The following ZNF469 variants were observed in gnomAD, a reference collection of about 807,000 sequenced individuals.
ZNF469 encodes the protein zinc finger protein 469.
Under a neutral mutation model 1.0 loss-of-function variants are expected in ZNF469, and 1 was observed. That is an observed-to-expected ratio of 1.00 (90% CI 0.35 to 4.73). ZNF469 has a LOEUF of 4.73. Ranked by LOEUF, ZNF469 falls within the 30% of genes most tolerant of loss-of-function variation. The pLI is 0.16. For missense variants in ZNF469, 6,100 were observed against 5,356.3 expected, an observed-to-expected ratio of 1.14 and a Z score of -4.33; for synonymous variants, 2,703 against 2,363.4, an observed-to-expected ratio of 1.14 and a Z score of -4.17.
At chr16:88,288,503 G>C in the ZNF469 span, among the ~76,000 whole-genome samples, 2 of 152,094 alleles carry the variant, frequency 1.3e-5, no homozygotes, top group Non-Finnish European at 2.9e-5. Flanking sequence ...GATATTTATT[G>C]CATCACTCTC....
At chr16:88,412,731 C>G (rs1905205511) in intron 1 of ZNF469, among the ~76,000 whole-genome samples, 1 of 152,188 alleles carries the variant, frequency 6.6e-6, no homozygotes, top group African/African-American at 2.4e-5. Context: ...AGGGCGGGGA[C>G]AGCTTGGAAA....
the ZNF469 span, among the ~76,000 whole-genome samples, chr16:88,287,125 T>C: frequency 6.6e-6 from 1 of 152,246 alleles, no homozygotes; most frequent in Non-Finnish European, 1.5e-5. Flanking sequence ...TGCTGTTCTG[T>C]GACTTGCTTT....
the ZNF469 span, among the ~76,000 whole-genome samples, chr16:88,183,405 C>T: frequency 6.6e-6 from 1 of 152,354 alleles, no homozygotes; most frequent in South Asian, 2.1e-4. Context: ...CAGGTGAACC[C>T]GTGAGCAACT....
At chr16:88,399,988 C>T (rs1229837788) in intron 1 of ZNF469, among the ~76,000 whole-genome samples, 1 of 152,252 alleles carries the variant, frequency 6.6e-6, no homozygotes, top group Non-Finnish European at 1.5e-5. Flanking sequence ...GGCCTGGACT[C>T]CTCATTGGGA....
chr16:88,297,844 A>G, the ZNF469 span, among the ~76,000 whole-genome samples: 50 of 152,246 alleles, frequency 3.3e-4, no homozygotes, highest in African/African-American at 1.2e-3. Flanking sequence ...AAGGATTAGG[A>G]CCTGACCTCT....
chr16:88,213,610 C>T, the ZNF469 span, among the ~76,000 whole-genome samples: 1 of 152,230 alleles, frequency 6.6e-6, no homozygotes, highest in Non-Finnish European at 1.5e-5. Context: ...TTTCTCTCCT[C>T]ATCCTACTCA....
chr16:88,414,536 C>T (rs936141222), intron 1 of ZNF469, among the ~76,000 whole-genome samples: 4 of 152,252 alleles, frequency 2.6e-5, no homozygotes, highest in Non-Finnish European at 4.4e-5. Context: ...CCCCCAGGCC[C>T]GGCAGAGCTG....
chr16:88,200,328 C>G, the ZNF469 span, among the ~76,000 whole-genome samples: 1 of 152,232 alleles, frequency 6.6e-6, no homozygotes, highest in African/African-American at 2.4e-5. Flanking sequence ...TGTCTGGGCA[C>G]TGCCTGGGTT....
the ZNF469 span, among the ~76,000 whole-genome samples, chr16:88,279,830 ACGGTTAG>A: frequency 7.0e-6 from 1 of 143,612 alleles, no homozygotes; most frequent in South Asian, 2.3e-4. Context: ...ATATCAGTGC[ACGGTTAG>A]TGCTGTGCCA....
chr16:88,400,011 C>A (rs1904809458), intron 1 of ZNF469, among the ~76,000 whole-genome samples: 1 of 152,222 alleles, frequency 6.6e-6, no homozygotes, highest in African/African-American at 2.4e-5. Flanking sequence ...ATGGAAGCCA[C>A]CATCATGCCT....
the ZNF469 span, among the ~76,000 whole-genome samples, chr16:88,182,474 G>C: frequency 5.9e-5 from 9 of 151,856 alleles, no homozygotes; most frequent in African/African-American, 2.2e-4. Flanking sequence ...ATTCACACTT[G>C]ATTTTTGCAA....
At position 88,383,015 on chromosome 16, in the gene ZNF469, AGCTG is replaced by A. The variant is rs2092529263; in HGVS notation, c.-426_-423del. 6.6e-6 allele frequency among the ~76,000 whole-genome samples: 1 copy of A among 151,784 alleles called. No homozygotes were observed. Among genetic ancestry groups the A allele is most frequent in the Non-Finnish European group, 1.5e-5 (1 of 67,938 alleles). On this transcript the variant is annotated 5_prime_UTR_variant, in exon 1 of 3. Coordinates refer to ENST00000565624, the MANE Select transcript of ZNF469 (RefSeq NM_001367624.2). ...TTCCCAGCACCCGGCCCAGGGCTGG[AGCTG>A]GCTGCAGGGCTGGCCCGCGGCGACC...
chr16:88,127,390 G>A, the ZNF469 span, among the ~76,000 whole-genome samples: 4 of 152,166 alleles, frequency 2.6e-5, no homozygotes, highest in Non-Finnish European at 2.9e-5. Context: ...GAATATTATC[G>A]CCTTGATTTC....
chr16:88,411,474 AAGCAGGCAGGGGTGCG>A (rs1567504068), intron 1 of ZNF469, among the ~76,000 whole-genome samples: 4 of 4,700 alleles, frequency 8.5e-4, no homozygotes, highest in African/African-American at 1.4e-3. Flanking sequence ...GCAGGGGTGC[AAGCAGGCAGGGGTGCG>A]AGCGGGCAGG....
chr16:88,113,137 C>G, the ZNF469 span, among the ~76,000 whole-genome samples: 4 of 152,134 alleles, frequency 2.6e-5, no homozygotes, highest in South Asian at 2.1e-4. Context: ...GCCTTGGTTG[C>G]CTGTGCGTGG....
At chr16:88,209,578 A>G in the ZNF469 span, among the ~76,000 whole-genome samples, 29 of 152,332 alleles carry the variant, frequency 1.9e-4, no homozygotes, top group African/African-American at 5.8e-4. Context: ...GGTGTGAGCC[A>G]CTGCACCAGG....
At chr16:88,269,691 C>T in the ZNF469 span, among the ~76,000 whole-genome samples, 63,769 of 151,410 alleles carry the variant, frequency 0.42, 13,733 homozygotes, top group African/African-American at 0.52. Flanking sequence ...TGGTTGGTAT[C>T]CTGCTCTCGG....
At chr16:88,212,711 G>A in the ZNF469 span, among the ~76,000 whole-genome samples, 1 of 152,226 alleles carries the variant, frequency 6.6e-6, no homozygotes, top group African/African-American at 2.4e-5. Flanking sequence ...CTCCCAAGTA[G>A]CTAAGACTAA....
At chr16:88,240,034 C>T in the ZNF469 span, among the ~76,000 whole-genome samples, 3 of 150,486 alleles carry the variant, frequency 2.0e-5, no homozygotes, top group Admixed American at 6.6e-5. Context: ...GGCCTGTGCT[C>T]GGGGCCATCG....
Sources: allele counts gnomAD v4.1 joint callset (sites outside exome capture counted in the v4.1 genomes callset), GRCh38; gene constraint gnomAD v4.1.1; transcripts MANE v1.5; gene names NCBI Gene and HGNC (gene_info 2026-07-23, HGNC 2026-07-21).